Variants in PAPOLA observed in about 807,000 individuals in gnomAD.
The protein encoded by PAPOLA is poly(A) polymerase alpha.
Under a neutral mutation model 100.6 loss-of-function variants are expected in PAPOLA, and 15 were observed. The ratio of observed to expected loss-of-function variants is 0.15; its 90% CI spans 0.10 to 0.23. The LOEUF (loss-of-function observed/expected upper bound fraction) is 0.23, where lower values mean the gene tolerates loss of function less well. PAPOLA is among the 10% of genes least tolerant of loss of function. The probability of loss-of-function intolerance (pLI) is 1.00; values close to 1 mark genes in which losing one functional copy is unlikely to be tolerated. For synonymous variants in PAPOLA, 293 were observed against 300.0 expected, an observed-to-expected ratio of 0.98 and a Z score of 0.24; for missense variants, 533 against 884.2, an observed-to-expected ratio of 0.60 and a Z score of 5.04.
intron 3 of PAPOLA, among the ~76,000 whole-genome samples, chr14:96,523,135 A>ATTTT (rs11305213): frequency 6.6e-6 from 1 of 150,602 alleles, no homozygotes; most frequent in African/African-American, 2.4e-5. Context: ...AGAAAATAAG[A>ATTTT]TTTTTTTTTT....
intron 15 of PAPOLA, among the ~76,000 whole-genome samples, chr14:96,546,861 A>G (rs1435274959): frequency 6.6e-6 from 1 of 152,064 alleles, no homozygotes; most frequent in Non-Finnish European, 1.5e-5. Context: ...TGTTTCTCAA[A>G]TGTTCCAGGC....
intron 20 of PAPOLA, among the ~76,000 whole-genome samples, chr14:96,562,244 C>T (rs1901913708): frequency 4.0e-5 from 6 of 151,650 alleles, no homozygotes; most frequent in Admixed American, 2.6e-4. Flanking sequence ...TTGTGTACTG[C>T]TTTTAAAAAG....
chr14:96,526,217 T>C (rs1405357288), intron 4 of PAPOLA: 1 of 152,274 alleles, frequency 6.6e-6, no homozygotes, highest in East Asian at 1.9e-4. Context: ...CATTATCTTA[T>C]TTAGTTCTTC....
rs140976007 is a variant in PAPOLA at position 96,530,091 on chromosome 14, A to G, written c.496-1384A>G. Among the ~76,000 whole-genome samples, 51 of 152,300 alleles carry G rather than the reference A, an allele frequency of 3.3e-4. No individual in the cohort carries two copies. In the East Asian group the frequency reaches 8.1e-3, roughly 24 times the overall value. On this transcript the variant is annotated intron_variant, in intron 6 of 21. Coordinates refer to ENST00000216277, the MANE Select transcript of PAPOLA (RefSeq NM_032632.5). Reference sequence around the variant, plus strand: ...GATGTTTGCCTTATATTTGAGTACTATTAAGTTCTCATGTATAATGAGATC... The same window carrying G: ...GATGTTTGCCTTATATTTGAGTACTGTTAAGTTCTCATGTATAATGAGATC...
intron 3 of PAPOLA, among the ~76,000 whole-genome samples, chr14:96,523,342 A>G (rs1040787643): frequency 6.6e-6 from 1 of 152,234 alleles, no homozygotes; most frequent in African/African-American, 2.4e-5. Context: ...TTTAAATAAA[A>G]ATTAAAATTA....
Position 96,544,164 on chromosome 14 carries a change from G to A in PAPOLA, c.1305G>A (p.Thr435=), listed in dbSNP as rs754173121. 4.4e-6 allele frequency: 7 copies of A among 1,599,908 alleles called. No individual in the cohort carries two copies. The highest frequency in any genetic ancestry group is 4.5e-5 in the East Asian group (2 of 44,750). Residue 435 remains threonine, a synonymous_variant, in exon 15 of 22, where the codon ACG becomes ACA. Coordinates refer to ENST00000216277, the MANE Select transcript of PAPOLA (RefSeq NM_032632.5). Reference sequence around the variant, plus strand: ...TTCTTTGCAGGGAAGAATTTCGCACGATGTGGGTGATTGGGTTAGTGTTTA... The same window carrying A: ...TTCTTTGCAGGGAAGAATTTCGCACAATGTGGGTGATTGGGTTAGTGTTTA... The part of the protein sequence containing the change: ...KENPDKEEFR[T]MWVIGLVFKK...
chr14:96,557,490 A>G (rs1191768402), intron 19 of PAPOLA, among the ~76,000 whole-genome samples: 7 of 151,566 alleles, frequency 4.6e-5, no homozygotes, highest in African/African-American at 1.7e-4. Flanking sequence ...CCCTCGAGTC[A>G]CTTTCATGTT....
intron 9 of PAPOLA, 159 bp downstream of exon 9, chr14:96,532,808 CTG>C (rs1479857576): frequency 3.7e-6 from 5 of 1,341,046 alleles, no homozygotes; most frequent in Middle Eastern, 2.8e-4. Context: ...AAATGGCAAA[CTG>C]AAACTATTTT....
chr14:96,543,010 G>T, intron 14 of PAPOLA, 117 bp downstream of exon 14: 1 of 1,013,586 alleles, frequency 9.9e-7, no homozygotes, highest in South Asian at 1.5e-5. Context: ...ATGGCTTATA[G>T]ACAATTTAGA....
At chr14:96,525,542 T>C (rs572957268) in intron 4 of PAPOLA, 151 bp downstream of exon 4, 2 of 508,514 alleles carry the variant, frequency 3.9e-6, no homozygotes, top group South Asian at 6.4e-5. Flanking sequence ...AAGAAAGATG[T>C]AAAATAATGC....
Position 96,542,754 on chromosome 14 carries a change from A to T in PAPOLA, c.1170-20A>T. ...AAGTTAACCAAAACTTTTTGTTAAT[A>T]CTAAGTGACATTTGTTCAGGGTGGG... is the stretch of plus-strand genomic sequence containing the variant. On this transcript the variant is annotated intron_variant, in intron 13 of 21. Transcript: ENST00000216277. The T allele has an allele frequency of 6.3e-7, 1 of 1,583,898 alleles. No homozygotes were observed. Among genetic ancestry groups the T allele is most frequent in the Non-Finnish European group, 8.5e-7 (1 of 1,172,496 alleles).
At chr14:96,517,995 T>TG (rs1897610168) in intron 1 of PAPOLA, among the ~76,000 whole-genome samples, 1 of 152,092 alleles carries the variant, frequency 6.6e-6, no homozygotes, top group East Asian at 1.9e-4. Flanking sequence ...TGAGACACCA[T>TG]GCTTGGGCCA....
rs758853872 is a variant in PAPOLA, at chr14:96,556,319, A to G, written c.1910A>G (p.Asn637Ser). Residue 637 changes from asparagine (N) to serine (S), a missense_variant, in exon 19 of 22, where the codon AAT becomes AGT. By Grantham distance (46) the Asn-to-Ser change is conservative. This residue lies in a region of PAPOLA where 242 missense variants were observed against 281.0 expected (regional missense o/e 0.86). Coordinates refer to ENST00000216277, the MANE Select transcript of PAPOLA (RefSeq NM_032632.5). ...RSSGNAATSG[N>S]AATKIPTPIV... ...TCAGGAAATGCAGCAACTTCAGGAA[A>G]TGCAGCAACAAAAATACCTACTCCT... The G allele has an allele frequency of 1.2e-6, 2 of 1,614,076 alleles. No individual in the cohort carries two copies. The highest frequency in any genetic ancestry group is 4.5e-5 in the East Asian group (2 of 44,874).
Position 96,565,587 on chromosome 14 carries a change from G to A in PAPOLA, c.*537G>A, listed in dbSNP as rs566308396. ...AAAGGGTAAGAGTACATCTAGTTCA[G>A]TTCCTATGAGGTAGCTGTAACCCTT... On this transcript the variant is annotated 3_prime_UTR_variant, in exon 22 of 22. Coordinates refer to ENST00000216277, the MANE Select transcript of PAPOLA (RefSeq NM_032632.5). 2.2e-4 allele frequency: 88 copies of A among 395,424 alleles called. No individual in the cohort carries two copies. The highest frequency in any genetic ancestry group is 3.1e-4 in the Non-Finnish European group (70 of 224,044). The allele number at this position is 395,424 out of a possible 1,614,324, so 24.5% of individuals were successfully genotyped here.
chr14:96,537,088 G>T, intron 12 of PAPOLA, 28 bp downstream of exon 12: 1 of 1,218,584 alleles, frequency 8.2e-7, no homozygotes, highest in Non-Finnish European at 1.2e-6. Flanking sequence ...TGTCGGACAT[G>T]TTGCTCTCTT....
chr14:96,560,682 TTGAG>T lies in PAPOLA; in HGVS notation c.2041_2044del (p.Ser681AspfsTer58). On this transcript the variant is annotated frameshift_variant, in exon 20 of 22. Coordinates refer to ENST00000216277, the MANE Select transcript of PAPOLA (RefSeq NM_032632.5). LOFTEE classifies it high-confidence loss of function. ...AAGTGAAGATGCTAACTGTCTTGCT[TTGAG>T]TGGACATGATAAAACAGAAGCAAAG... The T allele has an allele frequency of 6.2e-7, 1 of 1,608,206 alleles. No individual in the cohort carries two copies. The highest frequency in any genetic ancestry group is 8.5e-7 in the Non-Finnish European group (1 of 1,175,462).
intron 10 of PAPOLA, chr14:96,535,296 C>T: frequency 1.0e-6 from 1 of 983,710 alleles, no homozygotes; most frequent in South Asian, 4.7e-5. Flanking sequence ...AACCTCAAGG[C>T]ATTTACTTTT....
In PAPOLA at chr14:96,547,998, G is replaced by T. The variant is rs1055967945; in HGVS notation, c.1521+80G>T. 1.2e-5 allele frequency: 15 copies of T among 1,231,860 alleles called. No homozygotes were observed. In the Admixed American group the frequency reaches 3.4e-4, roughly 28 times the overall value. 76.3% of individuals were successfully genotyped at this position (1,231,860 alleles called of 1,614,324 possible). On this transcript the variant is annotated intron_variant, in intron 16 of 21. Transcript: ENST00000216277. Reference sequence around the variant, plus strand: ...GGACTATCATTATTTCAGAATTTAGGCTCAGTTAATAAGTCATTTTAAATA... The same window carrying T: ...GGACTATCATTATTTCAGAATTTAGTCTCAGTTAATAAGTCATTTTAAATA...
In PAPOLA at chr14:96,534,743, A is replaced by G; in HGVS notation, c.909+180A>G. Reference sequence around the variant, plus strand: ...CAACTATAATTGATGTGAGAAGCATAATTATGTACCCTGTAAACCACATTT... The same window carrying G: ...CAACTATAATTGATGTGAGAAGCATGATTATGTACCCTGTAAACCACATTT... On this transcript the variant is annotated intron_variant, in intron 10 of 21. Coordinates refer to ENST00000216277, the MANE Select transcript of PAPOLA (RefSeq NM_032632.5). The G allele has an allele frequency of 2.8e-6, 4 of 1,415,840 alleles. No individual in the cohort carries two copies. The South Asian group carries it at 6.5e-5, about 23-fold the overall frequency. The allele number at this position is 1,415,840 out of a possible 1,614,324, so 87.7% of individuals were successfully genotyped here. A position where few individuals can be genotyped will look rare whatever the true frequency, so the allele number is the denominator to read the frequency against.
Sources: allele counts gnomAD v4.1 joint callset (sites outside exome capture counted in the v4.1 genomes callset), GRCh38; gene constraint gnomAD v4.1.1; regional missense constraint gnomAD v4.1.1; transcripts MANE v1.5; gene names NCBI Gene and HGNC (gene_info 2026-07-23, HGNC 2026-07-21).